ELL2: variants seen among roughly 807,000 people sequenced by gnomAD.
ELL2 encodes RNA polymerase II elongation factor ELL2.
In ELL2, 21 loss-of-function variants were observed where a neutral mutation model predicts 72.8. The ratio of observed to expected loss-of-function variants is 0.29; its 90% CI spans 0.20 to 0.42. The LOEUF (loss-of-function observed/expected upper bound fraction) is 0.42, where lower values mean the gene tolerates loss of function less well. Among genes scored for constraint, ELL2 ranks in the 10% least tolerant of loss-of-function variants. ELL2 has a pLI of 1.00. For synonymous variants in ELL2, 266 were observed against 283.2 expected (o/e 0.94, Z 0.61); for missense variants, 568 against 772.8 (o/e 0.73, Z 3.14).
chr5:95,922,149 C>T (rs1479706617), intron 2 of ELL2, among the ~76,000 whole-genome samples: 2 of 152,082 alleles, frequency 1.3e-5, no homozygotes, highest in African/African-American at 2.4e-5. Flanking sequence ...CTGCAAGCTC[C>T]GCCTCCTGGT....
rs151142930 is a variant in ELL2, at chr5:95,907,962, G to A, written c.482-1180C>T. Among the ~76,000 whole-genome samples, 382 of 152,274 alleles carry A rather than the reference G, an allele frequency of 2.5e-3. 1 individual carries two copies. Among genetic ancestry groups the A allele is most frequent in the African/African-American group, 8.8e-3 (366 of 41,556 alleles). ...CCAGGCCTGGTCAGAAGGCCTGTGT[G>A]TTTTGATTCCATCCTACCTCCAGTA... On this transcript the variant is annotated intron_variant, in intron 4 of 11. Coordinates refer to ENST00000237853, the MANE Select transcript of ELL2 (RefSeq NM_012081.6).
intron 1 of ELL2, among the ~76,000 whole-genome samples, chr5:95,954,334 T>A (rs553452488): frequency 1.3e-4 from 20 of 151,918 alleles, no homozygotes; most frequent in African/African-American, 4.6e-4. Flanking sequence ...TTAGGGGTAC[T>A]CCTCCTAGTG....
In ELL2 at chr5:95,920,452, G is replaced by C. The variant is rs886625761; in HGVS notation, c.196-907C>G. 2.0e-5 allele frequency among the ~76,000 whole-genome samples: 3 copies of C among 151,920 alleles called. No homozygotes were observed. The South Asian group carries it at 6.2e-4, about 32-fold the overall frequency. On this transcript the variant is annotated intron_variant, in intron 2 of 11. Coordinates refer to ENST00000237853, the MANE Select transcript of ELL2 (RefSeq NM_012081.6). Reference sequence around the variant, plus strand: ...AGCCTCCTGAGTAGCTGGGATTATAGGTGCCCGCCACTACGCCCAGCTAAT... The same window carrying C: ...AGCCTCCTGAGTAGCTGGGATTATACGTGCCCGCCACTACGCCCAGCTAAT...
rs1210487780 is a variant in ELL2 at position 95,890,769 on chromosome 5, G to C, written c.1761+334C>G. Among the ~76,000 whole-genome samples, 3 of 152,178 alleles carry C rather than the reference G, an allele frequency of 2.0e-5. No individual in the cohort carries two copies. The East Asian group carries it at 5.8e-4, about 29-fold the overall frequency. On this transcript the variant is annotated intron_variant, in intron 10 of 11. Transcript: ENST00000237853. ...TGTTTTGGGATAGCACCAGACCTAT[G>C]AGCTGTAGTCTAAGTTGGCAGTGTA...
chr5:95,944,457 AT>A (rs1347153981), intron 1 of ELL2, among the ~76,000 whole-genome samples: 1 of 152,242 alleles, frequency 6.6e-6, no homozygotes, highest in Non-Finnish European at 1.5e-5. Flanking sequence ...AAAAGGAAAA[AT>A]AAAAAGGTAG....
rs1270575688 is a variant in ELL2, at chr5:95,885,802, C to T, written c.*3069G>A. On this transcript the variant is annotated 3_prime_UTR_variant, in exon 12 of 12. Coordinates refer to ENST00000237853, the MANE Select transcript of ELL2 (RefSeq NM_012081.6). The stretch of plus-strand genomic sequence containing the variant: ...TGCATGGAGCAATGATATAAACTGA[C>T]CATAACAATTTTGTGAGAACAAGTA... 1 of 152,104 alleles carries T rather than the reference C, an allele frequency of 6.6e-6. No homozygotes were observed. The highest frequency in any genetic ancestry group is 2.4e-5 in the African/African-American group (1 of 41,410). 9.4% of individuals were successfully genotyped at this position (152,104 alleles called of 1,614,324 possible).
At chr5:95,927,439 G>GTATGTGTA (rs1750359859) in intron 2 of ELL2, among the ~76,000 whole-genome samples, 1 of 35,220 alleles carries the variant, frequency 2.8e-5, no homozygotes, top group Non-Finnish European at 4.7e-5. Context: ...ACACACGTGT[G>GTATGTGTA]TATATAGACA....
intron 2 of ELL2, among the ~76,000 whole-genome samples, chr5:95,935,972 T>C (rs1750759153): frequency 6.6e-6 from 1 of 152,232 alleles, no homozygotes; most frequent in African/African-American, 2.4e-5. Context: ...CCTACCATGT[T>C]TGGTAAGCTA....
chr5:95,901,641 A>C (rs1335203900), intron 5 of ELL2, among the ~76,000 whole-genome samples: 1 of 152,236 alleles, frequency 6.6e-6, no homozygotes, highest in Admixed American at 6.5e-5. Context: ...ATTACTAAGT[A>C]AAATAAGGAT....
chr5:95,927,732 CATACACACACACATATGTGTGTATAT>C lies in ELL2; in HGVS notation c.196-8213_196-8188del, dbSNP rs1750424506. Among the ~76,000 whole-genome samples the C allele has an allele frequency of 2.6e-5, 2 of 77,824 alleles. 1 individual carries two copies. Among genetic ancestry groups the C allele is most frequent in the Admixed American group, 2.1e-4 (2 of 9,500 alleles). The allele number at this position is 77,824 out of a possible 152,430, so 51.1% of individuals were successfully genotyped here. ...ACACACACATATGTGTGTATATAGACATACACACACACATATGTGTGTATATAGACATACACACACACATATGTGTG... is the reference window on the plus strand; with the variant it reads ...ACACACACATATGTGTGTATATAGACAGACATACACACACACATATGTGTG... On this transcript the variant is annotated intron_variant, in intron 2 of 11. Coordinates refer to ENST00000237853, the MANE Select transcript of ELL2 (RefSeq NM_012081.6).
intron 8 of ELL2, among the ~76,000 whole-genome samples, chr5:95,896,734 C>A (rs566579537): frequency 1.3e-5 from 2 of 152,290 alleles, no homozygotes; most frequent in East Asian, 3.9e-4. Context: ...GCTTTCCTAA[C>A]TTTGTAATTA....
rs1748538415 is a variant in ELL2 at position 95,888,486 on chromosome 5, T to TA, written c.*384dup. 1 of 156,502 alleles carries TA rather than the reference T, an allele frequency of 6.4e-6. No individual in the cohort carries two copies. The highest frequency in any genetic ancestry group is 2.0e-4 in the South Asian group (1 of 4,910). 9.7% of individuals were successfully genotyped at this position (156,502 alleles called of 1,614,324 possible). A position where few individuals can be genotyped will look rare whatever the true frequency, so the allele number is the denominator to read the frequency against. On this transcript the variant is annotated 3_prime_UTR_variant, in exon 12 of 12. Transcript: ENST00000237853. The stretch of plus-strand genomic sequence containing the variant: ...TCCAAAAGCATTTCACCTTGCACAT[T>TA]ACTGTTGTTGTTTTTTAAACACATA...
intron 2 of ELL2, among the ~76,000 whole-genome samples, chr5:95,941,649 G>A (rs1218314081): frequency 6.6e-6 from 1 of 152,158 alleles, no homozygotes; most frequent in Non-Finnish European, 1.5e-5. Context: ...ACTGCTCCTA[G>A]TAAGAGAAAT....
chr5:95,892,866 G>T (rs1165022938), intron 9 of ELL2, among the ~76,000 whole-genome samples: 1 of 152,146 alleles, frequency 6.6e-6, no homozygotes, highest in African/African-American at 2.4e-5. Context: ...ATAGTCTGCT[G>T]ATGTAAAGCT....
At chr5:95,961,422 C>T (rs973673914) in intron 1 of ELL2, among the ~76,000 whole-genome samples, 153 bp downstream of exon 1, 1 of 151,704 alleles carries the variant, frequency 6.6e-6, no homozygotes, top group East Asian at 2.0e-4. Flanking sequence ...GCGGCGTCAG[C>T]CACCCTGCCC....
intron 2 of ELL2, among the ~76,000 whole-genome samples, chr5:95,934,352 C>A (rs1373987937): frequency 3.3e-5 from 5 of 152,108 alleles, no homozygotes; most frequent in African/African-American, 9.7e-5. Context: ...TCTTTAATCA[C>A]TTGGCTATTG....
At position 95,895,399 on chromosome 5, in the gene ELL2, C is replaced by A. The variant is rs1196370514; in HGVS notation, c.1589+229G>T. The stretch of plus-strand genomic sequence containing the variant: ...AGAACAAAGGACAGGATTCTCTATA[C>A]TTAAAGGCCAACGAATACAGCTCAG... On this transcript the variant is annotated intron_variant, in intron 9 of 11. Coordinates refer to ENST00000237853, the MANE Select transcript of ELL2 (RefSeq NM_012081.6). 2.6e-5 allele frequency among the ~76,000 whole-genome samples: 4 copies of A among 152,220 alleles called. No homozygotes were observed. The East Asian group carries it at 7.7e-4, about 29-fold the overall frequency.
chr5:95,906,063 AAGAT>A (rs1008017974), intron 5 of ELL2, among the ~76,000 whole-genome samples: 30 of 152,308 alleles, frequency 2.0e-4, no homozygotes, highest in Admixed American at 1.4e-3. Flanking sequence ...GTGGCAGAAA[AAGAT>A]AGAGTAATAA....
At position 95,886,020 on chromosome 5, in the gene ELL2, T is replaced by C. The variant is rs1693070655; in HGVS notation, c.*2851A>G. 1 of 152,178 alleles carries C rather than the reference T, an allele frequency of 6.6e-6. No homozygotes were observed. The highest frequency in any genetic ancestry group is 2.4e-5 in the African/African-American group (1 of 41,456). The allele number at this position is 152,178 out of a possible 1,614,324, so 9.4% of individuals were successfully genotyped here. ...GTTGATTTAAGGATGTTGGTAAAAA[T>C]CTTCAAAAGTCCTTCAAATCATTTT... On this transcript the variant is annotated 3_prime_UTR_variant, in exon 12 of 12. Coordinates refer to ENST00000237853, the MANE Select transcript of ELL2 (RefSeq NM_012081.6).
Sources: gnomAD v4.1 joint callset for allele counts (sites outside exome capture counted in the v4.1 genomes callset) on GRCh38, gnomAD v4.1.1 for gene constraint, MANE v1.5 for transcripts, NCBI Gene and HGNC (gene_info 2026-07-23, HGNC 2026-07-21) for gene names.